Variants in RIIAD1 observed in about 807,000 individuals in gnomAD.
The protein encoded by RIIAD1 is regulatory subunit of type II PKA R-subunit domain containing 1.
Under a neutral mutation model 13.3 loss-of-function variants are expected in RIIAD1, and 15 were observed. The observed-to-expected ratio is 1.13, with a 90% CI of 0.76 to 1.74. The LOEUF (loss-of-function observed/expected upper bound fraction) is 1.74. Ranked by LOEUF, RIIAD1 falls within the 40% of genes most tolerant of loss-of-function variation. RIIAD1 has a pLI of 0.00. For missense variants in RIIAD1, 121 were observed against 112.2 expected, an observed-to-expected ratio of 1.08 and a Z score of -0.35; for synonymous variants, 50 against 43.3, an observed-to-expected ratio of 1.16 and a Z score of -0.61.
intron 3 of RIIAD1, among the ~76,000 whole-genome samples, chr1:151,713,892 G>T (rs1216022599): frequency 6.6e-6 from 1 of 152,216 alleles, no homozygotes; most frequent in South Asian, 2.1e-4. Context: ...GACACAAAGA[G>T]ATAGGACCTT....
At position 151,721,616 on chromosome 1, in the gene RIIAD1, T is replaced by C; in HGVS notation, c.80T>C (p.Phe27Ser). The C allele has an allele frequency of 7.8e-7, 1 of 1,287,706 alleles. No homozygotes were observed. Among genetic ancestry groups the C allele is most frequent in the Non-Finnish European group, 9.9e-7 (1 of 1,014,342 alleles). 79.8% of individuals were successfully genotyped at this position (1,287,706 alleles called of 1,614,324 possible). Residue 27 changes from phenylalanine to serine, a missense_variant, in exon 1 of 5, where the codon TTC becomes TCC. Coordinates refer to ENST00000479191, the MANE Select transcript of RIIAD1 (RefSeq NM_001144956.3). ...SAAQLEQLRK[F>S]KIQTRIANEK... is the part of the protein sequence containing the mutation. ...GCGCAGCTGGAGCAGCTGCGAAAAT[T>C]CAAGGTGGGTGCGCCCGCGCCCCCA...
At chr1:151,725,071 G>A (rs1673803020) in intron 2 of RIIAD1, among the ~76,000 whole-genome samples, 1 of 147,894 alleles carries the variant, frequency 6.8e-6, no homozygotes, top group Non-Finnish European at 1.5e-5. Flanking sequence ...GCCTCCCAAA[G>A]TGCTGGGATT....
chr1:151,727,590 AAGACC>A lies in RIIAD1; in HGVS notation c.182_186del (p.Pro61GlnfsTer25). On this transcript the variant is annotated frameshift_variant, in exon 3 of 5. Transcript: ENST00000479191. LOFTEE classifies it high-confidence loss of function. ...TGTTTTCCAGAGAAATATTTTTGAAAAGACCAGACAACATCCTAGAATTTGCTGCA... is the reference window on the plus strand; with the variant it reads ...TGTTTTCCAGAGAAATATTTTTGAAAAGACAACATCCTAGAATTTGCTGCA... 1 of 1,550,340 alleles carries A rather than the reference AAGACC, an allele frequency of 6.5e-7. No homozygotes were observed. The highest frequency in any genetic ancestry group is 1.2e-5 in the South Asian group (1 of 84,024).
upstream of RIIAD1, among the ~76,000 whole-genome samples, chr1:151,717,718 T>G (rs1673591571): frequency 6.6e-6 from 1 of 152,244 alleles, no homozygotes; most frequent in African/African-American, 2.4e-5. Flanking sequence ...GAAACCCAAT[T>G]ACTCTTTCCT....
At chr1:151,724,209 C>G (rs901641792) in intron 2 of RIIAD1, among the ~76,000 whole-genome samples, 2 of 152,200 alleles carry the variant, frequency 1.3e-5, no homozygotes, top group Admixed American at 1.3e-4. Flanking sequence ...TACTTCCTTT[C>G]CTTTCTTACC....
intron 1 of RIIAD1, chr1:151,721,871 G>A: frequency 1.7e-6 from 1 of 594,624 alleles, no homozygotes; most frequent in Non-Finnish European, 3.0e-6. Flanking sequence ...CGAAATTACT[G>A]CCAGACACAT....
chr1:151,714,135 C>A (rs895054971), intron 3 of RIIAD1, among the ~76,000 whole-genome samples: 11 of 152,320 alleles, frequency 7.2e-5, no homozygotes, highest in Middle Eastern at 3.4e-3. Context: ...AGAACCAGCA[C>A]CGAGATGCCA....
rs1673856488 is a variant in RIIAD1, at chr1:151,727,626, G to A, written c.208+5G>A. ...ACATCCTAGAATTTGCTGCAGGTGA[G>A]TAAGGCAGCGTCGGTTTTGGGTATC... On this transcript the variant is annotated splice_donor_5th_base_variant and intron_variant, in intron 3 of 4. Transcript: ENST00000479191. 1.3e-6 allele frequency: 2 copies of A among 1,545,256 alleles called. No individual in the cohort carries two copies. The highest frequency in any genetic ancestry group is 8.8e-7 in the Non-Finnish European group (1 of 1,141,136).
At chr1:151,720,846 A>G (rs1673723104), upstream of RIIAD1, among the ~76,000 whole-genome samples, 1 of 152,236 alleles carries the variant, frequency 6.6e-6, no homozygotes. Context: ...AGATACTAGA[A>G]GAACAAATCT....
intron 4 of RIIAD1, chr1:151,715,845 C>G (rs372291437): frequency 1.2e-6 from 2 of 1,602,796 alleles, no homozygotes; most frequent in African/African-American, 1.3e-5. Flanking sequence ...CAGCCCACCC[C>G]GAAGCCTCTT....
upstream of RIIAD1, among the ~76,000 whole-genome samples, chr1:151,718,016 G>A (rs148007486): frequency 1.3e-5 from 2 of 152,016 alleles, no homozygotes; most frequent in East Asian, 3.9e-4. Flanking sequence ...GGGGCTCTGG[G>A]CTTTTGTAGA....
chr1:151,728,831 G>C lies in RIIAD1; in HGVS notation c.274G>C (p.Ala92Pro), dbSNP rs1263740200. Residue 92 changes from alanine to proline, a missense_variant, in exon 4 of 5, where the codon GCT (alanine) becomes CCT (proline). Physicochemically the swap from Ala to Pro is conservative, Grantham distance 27 (BLOSUM62 -1). Coordinates refer to ENST00000479191, the MANE Select transcript of RIIAD1 (RefSeq NM_001144956.3). The part of the protein sequence containing the change: ...HMQLIKDKKA[A>P] The stretch of plus-strand genomic sequence containing the variant: ...GCAGCTAATTAAAGACAAGAAAGCG[G>C]CTTAATTAGCAAAATCATGATGCTC... 4 of 1,531,186 alleles carry C rather than the reference G, an allele frequency of 2.6e-6. No homozygotes were observed. In the African/African-American group the frequency reaches 5.5e-5, roughly 21 times the overall value. 94.8% of individuals were successfully genotyped at this position (1,531,186 alleles called of 1,614,324 possible). A position where few individuals can be genotyped will look rare whatever the true frequency, so the allele number is the denominator to read the frequency against.
intron 3 of RIIAD1, among the ~76,000 whole-genome samples, chr1:151,728,154 G>T (rs1420030307): frequency 6.6e-6 from 1 of 152,224 alleles, no homozygotes; most frequent in Non-Finnish European, 1.5e-5. Flanking sequence ...TTACATCCCA[G>T]ACCTCAAACC....
chr1:151,713,155 G>T (rs2101477102), intron 2 of RIIAD1, among the ~76,000 whole-genome samples: 1 of 152,310 alleles, frequency 6.6e-6, no homozygotes, highest in South Asian at 2.1e-4. Context: ...TGGGACAAGG[G>T]CTAAAGTGGA....
upstream of RIIAD1, among the ~76,000 whole-genome samples, chr1:151,718,977 C>G (rs1452560299): frequency 6.6e-6 from 1 of 152,168 alleles, no homozygotes; most frequent in Non-Finnish European, 1.5e-5. Flanking sequence ...ATCTGCCGCC[C>G]TGCTGCTCAT....
chr1:151,723,223 C>A (rs12561957), intron 2 of RIIAD1, among the ~76,000 whole-genome samples: 1 of 151,098 alleles, frequency 6.6e-6, no homozygotes, highest in South Asian at 2.1e-4. Context: ...GGTGAAACCC[C>A]GTCTCTACTA....
chr1:151,728,785 A>G lies in RIIAD1; in HGVS notation c.228A>G (p.Arg76=). The G allele has an allele frequency of 1.9e-6, 3 of 1,542,620 alleles. No individual in the cohort carries two copies. The highest frequency in any genetic ancestry group is 1.8e-6 in the Non-Finnish European group (2 of 1,138,912). ...EFAADYFTDP[R]LPNKIHMQLI... is the part of the protein sequence containing the mutation. ...TCCCAGACTACTTCACGGATCCAAGACTTCCCAACAAGATTCACATGCAGC... is the reference window on the plus strand; with the variant it reads ...TCCCAGACTACTTCACGGATCCAAGGCTTCCCAACAAGATTCACATGCAGC... Residue 76 remains arginine, a synonymous_variant, in exon 4 of 5, where the codon AGA becomes AGG. Coordinates refer to ENST00000479191, the MANE Select transcript of RIIAD1 (RefSeq NM_001144956.3).
chr1:151,721,157 C>T (rs1673727083), upstream of RIIAD1, among the ~76,000 whole-genome samples: 2 of 152,150 alleles, frequency 1.3e-5, no homozygotes, highest in South Asian at 2.1e-4. Flanking sequence ...GCTTCTGGGA[C>T]AGTGGAAAGG....
intron 2 of RIIAD1, 49 bp from the exon 3 acceptor site, chr1:151,727,526 T>G: frequency 2.4e-6 from 3 of 1,249,976 alleles, no homozygotes; most frequent in Non-Finnish European, 3.4e-6. Flanking sequence ...AGCCACAGCC[T>G]GCGTTAAAGT....
Sources: gnomAD v4.1 joint callset for allele counts (sites outside exome capture counted in the v4.1 genomes callset) on GRCh38, gnomAD v4.1.1 for gene constraint, MANE v1.5 for transcripts, NCBI Gene and HGNC (gene_info 2026-07-23, HGNC 2026-07-21) for gene names.